Variants in ACADM observed in about 807,000 individuals in gnomAD.
ACADM encodes the protein medium-chain specific acyl-CoA dehydrogenase, mitochondrial.
ACADM carries 49 observed loss-of-function variants against 58.9 expected under a neutral mutation model. The ratio of observed to expected loss-of-function variants is 0.83; its 90% confidence interval spans 0.66 to 1.06. The LOEUF (loss-of-function observed/expected upper bound fraction) is 1.06. Among genes scored for constraint, ACADM ranks in the 50% least tolerant of loss-of-function variants. The pLI, the probability that ACADM is intolerant of heterozygous loss-of-function variation, is 0.00. For synonymous variants in ACADM, 160 were observed against 157.7 expected (o/e 1.01, Z -0.11); for missense variants, 496 against 507.0 (o/e 0.98, Z 0.21).
intron 8 of ACADM, among the ~76,000 whole-genome samples, chr1:75,746,261 C>T (rs1647895020): frequency 6.6e-6 from 1 of 152,178 alleles, no homozygotes; most frequent in African/African-American, 2.4e-5. Flanking sequence ...ATCCTCACAG[C>T]AACCTTTTGG....
rs983879715 is a variant in ACADM at position 75,745,828 on chromosome 1, G to C, written c.622G>C (p.Asp208His). 1 of 1,613,642 alleles carries C rather than the reference G, an allele frequency of 6.2e-7. No homozygotes were observed. Among genetic ancestry groups the C allele is most frequent in the African/African-American group, 1.3e-5 (1 of 74,886 alleles). Residue 208 changes from aspartate (D) to histidine (H), a missense_variant, in exon 8 of 12, where the codon GAT becomes CAT. Physicochemically the swap from Asp to His is moderately conservative, Grantham distance 81 (BLOSUM62 -1). Transcript: ENST00000370841. ...ANWYFLLARS[D>H]PDPKAPANKA... is the part of the protein sequence containing the mutation. ...TAGGTATTTTTTATTGGCACGTTCT[G>C]ATCCAGATCCTAAAGCTCCTGCTAA...
At chr1:75,734,157 T>C (rs866370816) in intron 5 of ACADM, among the ~76,000 whole-genome samples, 1 of 141,978 alleles carries the variant, frequency 7.0e-6, no homozygotes, top group Non-Finnish European at 1.5e-5. Context: ...AGCTAATTTT[T>C]GTATTTTTTT....
Position 75,732,888 on chromosome 1 carries a change from T to A in ACADM, c.252T>A (p.Leu84=). 1.2e-6 allele frequency: 2 copies of A among 1,614,010 alleles called. No homozygotes were observed. Among genetic ancestry groups the A allele is most frequent in the Non-Finnish European group, 1.7e-6 (2 of 1,179,902 alleles). Residue 84 remains leucine (L), a synonymous_variant, in exon 4 of 12, where the codon CTT becomes CTA. Coordinates refer to ENST00000370841, the MANE Select transcript of ACADM (RefSeq NM_000016.6). Reference sequence around the variant, plus strand: ...CCCTAATTAGAAGAGCCTGGGAACTTGGTTTAATGAACACACACATTCCAG... The same window carrying A: ...CCCTAATTAGAAGAGCCTGGGAACTAGGTTTAATGAACACACACATTCCAG... ...PVPLIRRAWE[L]GLMNTHIPEN...
intron 2 of ACADM, among the ~76,000 whole-genome samples, chr1:75,729,288 C>CTTTTT (rs1387865195): frequency 3.6e-4 from 19 of 52,942 alleles, no homozygotes; most frequent in South Asian, 6.7e-4. Flanking sequence ...TTCTTTCTTT[C>CTTTTT]TTTTTTCTTT....
chr1:75,726,361 T>C (rs1446538917), intron 1 of ACADM, among the ~76,000 whole-genome samples: 1 of 44,416 alleles, frequency 2.3e-5, no homozygotes, highest in African/African-American at 9.5e-5. Context: ...AGAGGGAGAC[T>C]CTGTCAAAAA....
intron 10 of ACADM, among the ~76,000 whole-genome samples, chr1:75,756,745 T>C (rs1159211802): frequency 6.6e-6 from 1 of 152,158 alleles, no homozygotes; most frequent in Non-Finnish European, 1.5e-5. Flanking sequence ...AAAGCCCACA[T>C]TGCCCAGACA....
chr1:75,739,628 T>A (rs1437141757), intron 6 of ACADM, among the ~76,000 whole-genome samples: 2 of 152,038 alleles, frequency 1.3e-5, no homozygotes, highest in East Asian at 3.8e-4. Flanking sequence ...CACAGTGAGA[T>A]GCCATGTCTA....
At chr1:75,734,183 A>ATTTTTTTTTTTTTTTTT (rs1647198640) in intron 5 of ACADM, among the ~76,000 whole-genome samples, 2 of 68,790 alleles carry the variant, frequency 2.9e-5, no homozygotes, top group African/African-American at 1.3e-4. Context: ...TTTTTTTTTG[A>ATTTTTTTTTTTTTTTTT]GACGGAGTCT....
At chr1:75,730,096 T>C (rs1647124719) in intron 2 of ACADM, among the ~76,000 whole-genome samples, 1 of 151,980 alleles carries the variant, frequency 6.6e-6, no homozygotes, top group Non-Finnish European at 1.5e-5. Flanking sequence ...GGTTTCGCCA[T>C]GTTGGCAACG....
chr1:75,741,916 A>G (rs971544054), intron 7 of ACADM, among the ~76,000 whole-genome samples: 6 of 152,216 alleles, frequency 3.9e-5, no homozygotes, highest in African/African-American at 1.4e-4. Flanking sequence ...TCTGTAGGAA[A>G]AAATCAGCAA....
At chr1:75,761,654 A>T (rs1648869064) in intron 11 of ACADM, 1 of 391,458 alleles carries the variant, frequency 2.6e-6, no homozygotes, top group African/African-American at 2.0e-5. Context: ...TTGTAACCCA[A>T]ACTTTTCTCT....
At chr1:75,746,276 A>G (rs1647895995) in intron 8 of ACADM, among the ~76,000 whole-genome samples, 1 of 152,220 alleles carries the variant, frequency 6.6e-6, no homozygotes, top group African/African-American at 2.4e-5. Context: ...TTTTGGTAGG[A>G]TAAGTGGCAT....
At chr1:75,737,530 G>T (rs1647338702) in intron 6 of ACADM, among the ~76,000 whole-genome samples, 1 of 151,774 alleles carries the variant, frequency 6.6e-6, no homozygotes, top group South Asian at 2.1e-4. Flanking sequence ...GTACTTAAAA[G>T]GGGCATCTTT....
At chr1:75,746,788 A>G (rs1647929058) in intron 8 of ACADM, among the ~76,000 whole-genome samples, 1 of 151,874 alleles carries the variant, frequency 6.6e-6, no homozygotes, top group African/African-American at 2.4e-5. Context: ...TTGTAGAGAC[A>G]GGGTTGTGCT....
chr1:75,742,877 T>C (rs981326214), intron 7 of ACADM, among the ~76,000 whole-genome samples: 2 of 152,000 alleles, frequency 1.3e-5, no homozygotes, highest in African/African-American at 4.8e-5. Context: ...TTGAAGTCAA[T>C]GACAATGGAG....
In ACADM at chr1:75,756,066, C is replaced by A. The variant is rs541394159; in HGVS notation, c.946-5056C>A. On this transcript the variant is annotated intron_variant, in intron 10 of 11. Coordinates refer to ENST00000370841, the MANE Select transcript of ACADM (RefSeq NM_000016.6). The stretch of plus-strand genomic sequence containing the variant: ...TAAACTAGGTATTGATGGAATGTAT[C>A]TCAAAATAATAGCTATTTATGACAA... 1.6e-4 allele frequency among the ~76,000 whole-genome samples: 24 copies of A among 152,234 alleles called. No individual in the cohort carries two copies. In the East Asian group the frequency reaches 2.3e-3, roughly 15 times the overall value.
rs1648957374 is a variant in ACADM, at chr1:75,763,480, G to A, written c.*717G>A. The A allele has an allele frequency of 6.6e-6, 1 of 151,956 alleles. No homozygotes were observed. Among genetic ancestry groups the A allele is most frequent in the Admixed American group, 6.6e-5 (1 of 15,260 alleles). The allele number at this position is 151,956 out of a possible 1,614,324, so 9.4% of individuals were successfully genotyped here. On this transcript the variant is annotated 3_prime_UTR_variant, in exon 12 of 12. Coordinates refer to ENST00000370841, the MANE Select transcript of ACADM (RefSeq NM_000016.6). ...TTTTGGCAAAGAACTTAATAAAATT[G>A]TTCAGTGCTTATTATCATATCTTTC...
At chr1:75,760,428 A>C (rs1648767257) in intron 10 of ACADM, among the ~76,000 whole-genome samples, 1 of 147,910 alleles carries the variant, frequency 6.8e-6, no homozygotes, top group Non-Finnish European at 1.5e-5. Flanking sequence ...TCTCAGAAAA[A>C]AAAAAAGAAA....
intron 5 of ACADM, among the ~76,000 whole-genome samples, chr1:75,734,325 G>A (rs985837164): frequency 4.8e-5 from 6 of 124,120 alleles, no homozygotes; most frequent in South Asian, 3.1e-4. Flanking sequence ...CACCATGCCC[G>A]GCTAATTTTT....
Sources: gnomAD v4.1 joint callset for allele counts (sites outside exome capture counted in the v4.1 genomes callset) on GRCh38, gnomAD v4.1.1 for gene constraint, MANE v1.5 for transcripts, NCBI Gene and HGNC (gene_info 2026-07-23, HGNC 2026-07-21) for gene names.